The following RFC3 variants were observed in gnomAD, a reference collection of about 807,000 sequenced individuals.
RFC3 encodes A1 38 kDa subunit.
Under a neutral mutation model 45.1 loss-of-function variants are expected in RFC3, and 41 were observed. The observed-to-expected ratio is 0.91, with a 90% CI of 0.71 to 1.18. RFC3 has a LOEUF of 1.18. Ranked by LOEUF, RFC3 falls within the 50% of genes most tolerant of loss-of-function variation. The probability of loss-of-function intolerance (pLI) is 0.00; values close to 1 mark genes in which losing one functional copy is unlikely to be tolerated. For missense variants in RFC3, 423 were observed against 428.1 expected (o/e 0.99, Z 0.10); for synonymous variants, 149 against 144.0 (o/e 1.03, Z -0.25).
chr13:33,866,412 A>C (rs2082374057), intron 8 of RFC3, among the ~76,000 whole-genome samples: 1 of 152,224 alleles, frequency 6.6e-6, no homozygotes, highest in Non-Finnish European at 1.5e-5. Context: ...TGATCCATAC[A>C]GTTTGGAGGT....
chr13:33,915,749 G>C (rs756436570), intron 8 of RFC3, among the ~76,000 whole-genome samples: 1 of 151,778 alleles, frequency 6.6e-6, no homozygotes, highest in East Asian at 1.9e-4. Flanking sequence ...AAAATTATTC[G>C]TAATGATTCA....
intron 8 of RFC3, among the ~76,000 whole-genome samples, chr13:33,924,159 G>A (rs2082787052): frequency 6.6e-6 from 1 of 152,092 alleles, no homozygotes; most frequent in Non-Finnish European, 1.5e-5. Context: ...CAAGTCCTCT[G>A]AAAACCAGAT....
At chr13:33,951,584 T>A (rs2082991999) in intron 8 of RFC3, among the ~76,000 whole-genome samples, 1 of 152,162 alleles carries the variant, frequency 6.6e-6, no homozygotes, top group South Asian at 2.1e-4. Flanking sequence ...CTCACATTTC[T>A]TAGAAAAATT....
intron 8 of RFC3, among the ~76,000 whole-genome samples, chr13:33,877,785 T>A (rs1215048525): frequency 2.0e-5 from 3 of 148,548 alleles, no homozygotes; most frequent in Non-Finnish European, 4.5e-5. Flanking sequence ...TGAAAAGGTT[T>A]TATTATTATA....
chr13:33,829,720 T>C (rs2082083421), intron 4 of RFC3, 116 bp from the exon 5 acceptor site: 1 of 771,330 alleles, frequency 1.3e-6, no homozygotes, highest in Admixed American at 2.1e-5. Flanking sequence ...ATGGGAAGAG[T>C]AGTATATCAG....
chr13:33,898,678 T>C (rs2082617426), intron 8 of RFC3, among the ~76,000 whole-genome samples: 1 of 151,526 alleles, frequency 6.6e-6, no homozygotes, highest in Non-Finnish European at 1.5e-5. Context: ...TAAATGAAGT[T>C]GGGACTAAAA....
At chr13:33,906,542 G>A (rs1484926562) in intron 8 of RFC3, among the ~76,000 whole-genome samples, 1 of 152,012 alleles carries the variant, frequency 6.6e-6, no homozygotes, top group Non-Finnish European at 1.5e-5. Context: ...CCATCATCTT[G>A]CAGTCTGTTT....
intron 8 of RFC3, among the ~76,000 whole-genome samples, chr13:33,878,538 G>GC (rs1232791838): frequency 6.6e-6 from 1 of 152,096 alleles, no homozygotes; most frequent in Non-Finnish European, 1.5e-5. Context: ...GTGATGAGGA[G>GC]CAGGTATGGG....
At chr13:33,953,730 T>C (rs1021346681) in intron 8 of RFC3, among the ~76,000 whole-genome samples, 1 of 152,124 alleles carries the variant, frequency 6.6e-6, no homozygotes, top group African/African-American at 2.4e-5. Context: ...TTTCCAGACG[T>C]TTTTGGTTTG....
Position 33,818,157 on chromosome 13 carries a change from GC to G in RFC3, c.-17del. ...GCTCGCGCGGGATTTTCAAGCGTAG[GC>G]CCCCGGGAACTCGAGCTGCCATGAG... On this transcript the variant is annotated 5_prime_UTR_variant, in exon 1 of 9. Transcript: ENST00000380071. 2 of 1,603,958 alleles carry G rather than the reference GC, an allele frequency of 1.2e-6. No individual in the cohort carries two copies. Among genetic ancestry groups the G allele is most frequent in the Non-Finnish European group, 1.7e-6 (2 of 1,173,092 alleles).
chr13:33,830,694 C>T (rs984533411), intron 5 of RFC3, 25 bp from the exon 6 acceptor site: 1 of 1,592,424 alleles, frequency 6.3e-7, no homozygotes, highest in Admixed American at 1.7e-5. Flanking sequence ...AATGGATTGC[C>T]CATTTTTGTT....
chr13:33,976,669 T>C, the RFC3 span, among the ~76,000 whole-genome samples: 1 of 152,168 alleles, frequency 6.6e-6, no homozygotes, highest in African/African-American at 2.4e-5. Flanking sequence ...ATATCACATG[T>C]ACCCCCAAAA....
At chr13:33,867,737 G>C (rs1266288238) in intron 8 of RFC3, among the ~76,000 whole-genome samples, 4 of 152,268 alleles carry the variant, frequency 2.6e-5, no homozygotes, top group East Asian at 1.9e-4. Context: ...ACCCCACACC[G>C]GTTACTATGT....
intron 2 of RFC3, 53 bp from the exon 3 acceptor site, chr13:33,823,864 T>C: frequency 1.1e-6 from 1 of 894,282 alleles, no homozygotes. Flanking sequence ...TACAAAAGAG[T>C]GGGGAAATAG....
chr13:33,862,539 A>C (rs1166132875), intron 8 of RFC3, among the ~76,000 whole-genome samples: 1 of 152,058 alleles, frequency 6.6e-6, no homozygotes, highest in Non-Finnish European at 1.5e-5. Flanking sequence ...TTTTATGTAA[A>C]TCAGTATGTT....
intron 8 of RFC3, among the ~76,000 whole-genome samples, chr13:33,959,478 C>G (rs2083042682): frequency 6.6e-6 from 1 of 152,188 alleles, no homozygotes; most frequent in Non-Finnish European, 1.5e-5. Flanking sequence ...CCATAGACCC[C>G]TGATCTTGCA....
rs150903191 is a variant in RFC3, at chr13:33,904,372, A to G, written c.880-61715A>G. The stretch of plus-strand genomic sequence containing the variant: ...TCAAACCCTGAGTTTTCTTATGAGC[A>G]TCTTTCTTTCACTCCCAGTTGTCAC... On this transcript the variant is annotated intron_variant, in intron 8 of 8. Coordinates refer to the RFC3 transcript ENST00000434425. Among the ~76,000 whole-genome samples, 502 of 152,108 alleles carry G rather than the reference A, an allele frequency of 3.3e-3. 12 individuals carry two copies. Among genetic ancestry groups the G allele is most frequent in the Admixed American group, 0.024 (372 of 15,262 alleles).
chr13:33,851,316 C>G (rs1406879322), intron 8 of RFC3, among the ~76,000 whole-genome samples: 2 of 152,094 alleles, frequency 1.3e-5, no homozygotes, highest in Non-Finnish European at 2.9e-5. Context: ...GAGCATCAAC[C>G]CGTCACAGTT....
chr13:33,901,172 T>C (rs1020842824), intron 8 of RFC3, among the ~76,000 whole-genome samples: 4 of 151,938 alleles, frequency 2.6e-5, no homozygotes, highest in South Asian at 2.1e-4. Context: ...CTATATGATA[T>C]AGGAATTCAA....
Sources: allele counts gnomAD v4.1 joint callset (sites outside exome capture counted in the v4.1 genomes callset), GRCh38; gene constraint gnomAD v4.1.1; transcripts MANE v1.5; gene names NCBI Gene and HGNC (gene_info 2026-07-23, HGNC 2026-07-21).